Variants in RBM47 observed in about 807,000 individuals in gnomAD.
RBM47 encodes the protein RNA binding motif protein 47, also known as RNA-binding protein 47.
RBM47 carries 21 observed loss-of-function variants against 47.1 expected under a neutral mutation model. That is an observed-to-expected ratio of 0.45 (90% confidence interval 0.32 to 0.64). The LOEUF is 0.64. Among genes scored for constraint, RBM47 ranks in the 30% least tolerant of loss-of-function variants. RBM47 has a pLI of 0.05. For missense variants in RBM47, 708 were observed against 870.9 expected, an observed-to-expected ratio of 0.81 and a Z score of 2.35; for synonymous variants, 375 against 361.7, an observed-to-expected ratio of 1.04 and a Z score of -0.42.
chr4:40,472,562 C>CAAA lies in RBM47; in HGVS notation c.-154-5866_-154-5864dup, dbSNP rs11403447. 1.6e-4 allele frequency among the ~76,000 whole-genome samples: 20 copies of CAAA among 126,494 alleles called. 2 individuals carry two copies. Among genetic ancestry groups the CAAA allele is most frequent in the South Asian group, 2.7e-4 (1 of 3,662 alleles). The allele number at this position is 126,494 out of a possible 152,430, so 83.0% of individuals were successfully genotyped here. A position where few individuals can be genotyped will look rare whatever the true frequency, so the allele number is the denominator to read the frequency against. ...GGGCAACAAGAGTGATGCTCTGTCT[C>CAAA]AAAAAAAAAAAAAAAAAATCATGTT... On this transcript the variant is annotated intron_variant, in intron 2 of 6. Coordinates refer to ENST00000295971, the MANE Select transcript of RBM47 (RefSeq NM_001098634.2).
intron 1 of RBM47, among the ~76,000 whole-genome samples, chr4:40,571,221 AAAAAG>A (rs146883849): frequency 0.13 from 20,226 of 151,768 alleles, 1,662 homozygotes; most frequent in Admixed American, 0.19. Flanking sequence ...ATCTCAAAAG[AAAAAG>A]AAAAGAAAAG....
At chr4:40,522,273 G>A (rs766061660) in intron 2 of RBM47, among the ~76,000 whole-genome samples, 1 of 152,192 alleles carries the variant, frequency 6.6e-6, no homozygotes, top group Non-Finnish European at 1.5e-5. Flanking sequence ...GGGAGGCCAA[G>A]GCTGGCAGAT....
At chr4:40,623,840 CTTGTTTGT>C (rs10573363) in intron 1 of RBM47, among the ~76,000 whole-genome samples, 1,897 of 150,440 alleles carry the variant, frequency 0.013, 27 homozygotes, top group African/African-American at 0.04. Flanking sequence ...GAGGTATAAA[CTTGTTTGT>C]TTGTTTGTTT....
At chr4:40,554,735 C>T (rs1401347869) in intron 1 of RBM47, among the ~76,000 whole-genome samples, 1 of 151,190 alleles carries the variant, frequency 6.6e-6, no homozygotes, top group Non-Finnish European at 1.5e-5. Context: ...TTCCTCCCTT[C>T]CCCCCATCTC....
intron 3 of RBM47, among the ~76,000 whole-genome samples, chr4:40,460,289 G>A (rs1241065923): frequency 6.6e-6 from 1 of 151,702 alleles, no homozygotes; most frequent in Non-Finnish European, 1.5e-5. Context: ...CAGGAATTCG[G>A]TAGAGATTTT....
chr4:40,466,752 T>A (rs972862082), intron 2 of RBM47, 53 bp from the exon 3 acceptor site: 2 of 120,192 alleles, frequency 1.7e-5, no homozygotes, highest in African/African-American at 6.4e-5. Flanking sequence ...AACATGATTT[T>A]CATATGTGCA....
chr4:40,480,862 G>C (rs1179270909), intron 2 of RBM47, among the ~76,000 whole-genome samples: 1 of 152,136 alleles, frequency 6.6e-6, no homozygotes, highest in Admixed American at 6.5e-5. Context: ...AGAAAGTTCA[G>C]AATACATATT....
In RBM47 at chr4:40,516,218, A is replaced by C. The variant is rs184272806; in HGVS notation, c.-155+28204T>G. 1.5e-3 allele frequency among the ~76,000 whole-genome samples: 231 copies of C among 149,276 alleles called. 2 individuals are homozygous for C. The highest frequency in any genetic ancestry group is 5.2e-3 in the African/African-American group (210 of 40,510). ...GCCTTGCTTCCCTGAGAGGAACATA[A>C]TGGGTGTTGGGGGAGGGCGATGATT... On this transcript the variant is annotated intron_variant, in intron 2 of 6. Coordinates refer to ENST00000295971, the MANE Select transcript of RBM47 (RefSeq NM_001098634.2).
At chr4:40,471,032 C>T (rs189175841) in intron 2 of RBM47, among the ~76,000 whole-genome samples, 2 of 152,098 alleles carry the variant, frequency 1.3e-5, no homozygotes, top group Admixed American at 1.3e-4. Flanking sequence ...CGTGAGCCAC[C>T]GCGTCTCGCC....
chr4:40,605,999 A>C (rs1375047424), intron 1 of RBM47, among the ~76,000 whole-genome samples: 1 of 151,094 alleles, frequency 6.6e-6, no homozygotes, highest in Non-Finnish European at 1.5e-5. Flanking sequence ...GGAATTCGAG[A>C]CCAGCCTGGC....
At position 40,438,694 on chromosome 4, in the gene RBM47, G is replaced by A. The variant is rs1287749652; in HGVS notation, c.200C>T (p.Pro67Leu). The change falls in exon 4 of 7, where the codon CCG (proline) becomes CTG (leucine). Residue 67 changes from proline to leucine, a missense_variant. By Grantham distance (98) the Pro-to-Leu change is moderately conservative. Transcript: ENST00000295971. ...CACGAAGACCTCGCAGCCACGCTGCGGGTGCGGGCCCTCCCAGCCGGGCGG... is the reference window on the plus strand; with the variant it reads ...CACGAAGACCTCGCAGCCACGCTGCAGGTGCGGGCCCTCCCAGCCGGGCGG... ...GPPPGWEGPH[P>L]QRGCEVFVGK... is the part of the protein sequence containing the mutation. 4.3e-6 allele frequency: 7 copies of A among 1,611,140 alleles called. No individual in the cohort carries two copies. The African/African-American group carries it at 6.7e-5, about 15-fold the overall frequency.
At chr4:40,426,198 C>T (rs1300401636) in intron 6 of RBM47, 55 bp from the exon 7 acceptor site, 10 of 1,565,142 alleles carry the variant, frequency 6.4e-6, no homozygotes, top group Admixed American at 3.7e-5. Context: ...TACCTATCAT[C>T]CATTCATTCA....
At chr4:40,587,033 G>C (rs1318806387) in intron 1 of RBM47, among the ~76,000 whole-genome samples, 3 of 152,116 alleles carry the variant, frequency 2.0e-5, no homozygotes, top group Admixed American at 6.6e-5. Context: ...TCCTGCTCCG[G>C]CATCAGCTAC....
At chr4:40,573,807 A>AAAGAAAAGAAAGAAAGAAAGAAAGAAAG in intron 1 of RBM47, among the ~76,000 whole-genome samples, 1 of 136,760 alleles carries the variant, frequency 7.3e-6, no homozygotes, top group Admixed American at 7.5e-5. Flanking sequence ...GAAAGAAAGA[A>AAAGAAAAGAAAGAAAGAAAGAAAGAAAG]AAAGAAAGAA....
intron 2 of RBM47, among the ~76,000 whole-genome samples, chr4:40,531,958 C>T (rs1188473271): frequency 6.6e-6 from 1 of 151,774 alleles, no homozygotes; most frequent in Non-Finnish European, 1.5e-5. Flanking sequence ...TTCTGTGGGG[C>T]CTGAACTCCC....
chr4:40,495,027 G>A (rs756357001), intron 2 of RBM47, among the ~76,000 whole-genome samples: 3 of 151,890 alleles, frequency 2.0e-5, no homozygotes, highest in South Asian at 2.1e-4. Flanking sequence ...GGCTAGTCTC[G>A]AATTCCCCAG....
At chr4:40,533,844 T>C (rs1727647921) in intron 2 of RBM47, among the ~76,000 whole-genome samples, 1 of 151,750 alleles carries the variant, frequency 6.6e-6, no homozygotes, top group African/African-American at 2.4e-5. Flanking sequence ...AGATGGAGTT[T>C]TACTATTATT....
intron 1 of RBM47, among the ~76,000 whole-genome samples, chr4:40,621,121 A>C (rs530084690): frequency 6.6e-6 from 1 of 152,320 alleles, no homozygotes; most frequent in Admixed American, 6.5e-5. Flanking sequence ...GACTTTATGT[A>C]CTATTGCCTT....
chr4:40,556,763 G>A (rs1190206872), intron 1 of RBM47, among the ~76,000 whole-genome samples: 1 of 152,008 alleles, frequency 6.6e-6, no homozygotes, highest in Non-Finnish European at 1.5e-5. Context: ...GGTGGTGCAC[G>A]CCTGTAATCC....
Sources: gnomAD v4.1 joint callset for allele counts (sites outside exome capture counted in the v4.1 genomes callset) on GRCh38, gnomAD v4.1.1 for gene constraint, MANE v1.5 for transcripts, NCBI Gene and HGNC (gene_info 2026-07-23, HGNC 2026-07-21) for gene names.